MAGI2: variants seen among roughly 807,000 people sequenced by gnomAD.
The protein encoded by MAGI2 is membrane-associated guanylate kinase, WW and PDZ domain-containing protein 2.
In MAGI2, 35 loss-of-function variants were observed where a neutral mutation model predicts 133.3. The ratio of observed to expected loss-of-function variants is 0.26; its 90% confidence interval spans 0.20 to 0.35. The LOEUF (loss-of-function observed/expected upper bound fraction) is 0.35. Ranked by LOEUF, MAGI2 falls within the 10% of genes least tolerant of loss-of-function variation. MAGI2 has a pLI of 1.00. For missense variants in MAGI2, 1,636 were observed against 1,863.4 expected, an observed-to-expected ratio of 0.88 and a Z score of 2.25; for synonymous variants, 729 against 710.6, an observed-to-expected ratio of 1.03 and a Z score of -0.41.
At chr7:79,237,983 A>G (rs1832071005) in intron 1 of MAGI2, among the ~76,000 whole-genome samples, 1 of 152,224 alleles carries the variant, frequency 6.6e-6, no homozygotes, top group Non-Finnish European at 1.5e-5. Flanking sequence ...GCATAATTTG[A>G]CAAATAGATT....
chr7:79,136,002 AGAGAAAGAAAGAAAGAAAGAAAGAAG>A (rs1821406595), intron 1 of MAGI2, among the ~76,000 whole-genome samples: 32 of 18,538 alleles, frequency 1.7e-3, no homozygotes, highest in Admixed American at 9.1e-3. Context: ...AAAGAAAGAA[AGAGAAAGAAAGAAAGAAAGAAAGAAG>A]GAAAGAAAGA....
intron 1 of MAGI2, among the ~76,000 whole-genome samples, chr7:79,308,136 G>C (rs911628069): frequency 1.3e-5 from 2 of 152,154 alleles, no homozygotes; most frequent in African/African-American, 4.8e-5. Context: ...ATTGAATGCT[G>C]TGTGTATGAA....
intron 2 of MAGI2, among the ~76,000 whole-genome samples, chr7:78,722,736 A>G (rs1215667559): frequency 6.6e-6 from 1 of 152,078 alleles, no homozygotes; most frequent in East Asian, 1.9e-4. Flanking sequence ...TTTAACATGA[A>G]TGATATTAAG....
chr7:79,171,770 A>ATATATATTTTTTTTTTTTTTT, intron 1 of MAGI2, among the ~76,000 whole-genome samples: 12 of 31,222 alleles, frequency 3.8e-4, no homozygotes, highest in Non-Finnish European at 5.6e-4. Context: ...ATATATATAT[A>ATATATATTTTTTTTTTTTTTT]TTTTTTTTTT....
At chr7:79,348,016 T>G (rs1841444458) in intron 1 of MAGI2, among the ~76,000 whole-genome samples, 1 of 151,896 alleles carries the variant, frequency 6.6e-6, no homozygotes, top group South Asian at 2.1e-4. Context: ...TAAAGCAAAC[T>G]AGTTGGTAAA....
intron 2 of MAGI2, among the ~76,000 whole-genome samples, chr7:78,784,340 C>T (rs1436563550): frequency 6.6e-6 from 1 of 152,044 alleles, no homozygotes; most frequent in Non-Finnish European, 1.5e-5. Context: ...CCTCTCTGAC[C>T]TTCTCTTCCC....
At chr7:78,903,350 C>A (rs1301068930) in intron 2 of MAGI2, among the ~76,000 whole-genome samples, 1 of 151,776 alleles carries the variant, frequency 6.6e-6, no homozygotes, top group African/African-American at 2.4e-5. Flanking sequence ...CCCGCTACCA[C>A]GCCCGGCTAA....
chr7:78,304,218 C>T (rs982437251), intron 9 of MAGI2, among the ~76,000 whole-genome samples: 1 of 152,208 alleles, frequency 6.6e-6, no homozygotes, highest in African/African-American at 2.4e-5. Context: ...GTGCATCCTA[C>T]AACTCCACAG....
At chr7:78,720,331 T>C (rs1196866469) in intron 2 of MAGI2, among the ~76,000 whole-genome samples, 1 of 152,048 alleles carries the variant, frequency 6.6e-6, no homozygotes, top group Non-Finnish European at 1.5e-5. Context: ...CTAACTCACT[T>C]AATCCTTATA....
chr7:78,888,261 C>A (rs1220529546), intron 2 of MAGI2, among the ~76,000 whole-genome samples: 1 of 152,222 alleles, frequency 6.6e-6, no homozygotes, highest in South Asian at 2.1e-4. Flanking sequence ...CCCACCACAG[C>A]TCAAGGAGGC....
chr7:79,024,180 C>A (rs1054081118), intron 1 of MAGI2, among the ~76,000 whole-genome samples: 8 of 152,124 alleles, frequency 5.3e-5, no homozygotes, highest in African/African-American at 9.6e-5. Context: ...AATAATTCCC[C>A]ACACCTACAA....
chr7:78,279,348 G>A (rs1445984258), intron 9 of MAGI2, among the ~76,000 whole-genome samples: 4 of 152,136 alleles, frequency 2.6e-5, no homozygotes, highest in African/African-American at 9.7e-5. Flanking sequence ...AAACTGGCAC[G>A]TCTAAGTCTC....
chr7:78,848,379 G>A (rs1792817507), intron 2 of MAGI2, among the ~76,000 whole-genome samples: 1 of 151,926 alleles, frequency 6.6e-6, no homozygotes. Context: ...CATCTCAGAT[G>A]TTCCTATCCT....
At chr7:79,257,054 C>A (rs888229989) in intron 1 of MAGI2, among the ~76,000 whole-genome samples, 1 of 151,994 alleles carries the variant, frequency 6.6e-6, no homozygotes. Context: ...ACCACAAAAA[C>A]CATACTTTAT....
At chr7:79,220,464 T>C (rs1830365260) in intron 1 of MAGI2, among the ~76,000 whole-genome samples, 1 of 151,942 alleles carries the variant, frequency 6.6e-6, no homozygotes, top group Non-Finnish European at 1.5e-5. Flanking sequence ...CCCCAATACA[T>C]ACATACACTG....
At chr7:79,165,183 T>G (rs1215386796) in intron 1 of MAGI2, among the ~76,000 whole-genome samples, 3 of 151,946 alleles carry the variant, frequency 2.0e-5, no homozygotes, top group East Asian at 1.9e-4. Flanking sequence ...TTTTTTGTTT[T>G]TTTTTTTTAA....
At chr7:79,148,083 G>C (rs991515377) in intron 1 of MAGI2, among the ~76,000 whole-genome samples, 2 of 152,170 alleles carry the variant, frequency 1.3e-5, no homozygotes, top group Non-Finnish European at 2.9e-5. Context: ...AGAAGACCTT[G>C]TCAGTGGCCC....
At chr7:78,677,404 TTAAAG>T (rs1279206451) in intron 2 of MAGI2, among the ~76,000 whole-genome samples, 4 of 151,806 alleles carry the variant, frequency 2.6e-5, no homozygotes, top group African/African-American at 4.8e-5. Context: ...ATGACATATA[TTAAAG>T]TATATTTTTT....
intron 21 of MAGI2, among the ~76,000 whole-genome samples, chr7:78,057,977 G>GTGTATATT (rs762943472): frequency 7.9e-4 from 84 of 106,584 alleles, no homozygotes; most frequent in African/African-American, 2.6e-3. Context: ...ATATATATGT[G>GTGTATATT]TATATATATA....
Sources: allele counts gnomAD v4.1 joint callset (sites outside exome capture counted in the v4.1 genomes callset), GRCh38; gene constraint gnomAD v4.1.1; transcripts MANE v1.5; gene names NCBI Gene and HGNC (gene_info 2026-07-23, HGNC 2026-07-21).